The following AUTS2 variants were observed in gnomAD, a reference collection of about 807,000 sequenced individuals.
AUTS2 encodes the protein autism susceptibility gene 2 protein.
In AUTS2, 17 loss-of-function variants were observed where a neutral mutation model predicts 112.4. The observed-to-expected ratio is 0.15, with a 90% CI of 0.10 to 0.23. AUTS2 has a LOEUF of 0.23. AUTS2 is among the 10% of genes least tolerant of loss of function. The pLI, the probability that AUTS2 is intolerant of heterozygous loss-of-function variation, is 1.00. For synonymous variants in AUTS2, 751 were observed against 702.7 expected (o/e 1.07, Z -1.09); for missense variants, 1,510 against 1,701.6 (o/e 0.89, Z 1.98).
chr7:69,643,811 C>T (rs1268140797), intron 1 of AUTS2, among the ~76,000 whole-genome samples: 1 of 152,110 alleles, frequency 6.6e-6, no homozygotes, highest in Non-Finnish European at 1.5e-5. Context: ...CTCTAACCTC[C>T]AATGTGATGG....
chr7:70,698,494 A>C (rs1809259814), intron 5 of AUTS2, 75 bp from the exon 6 acceptor site: 3 of 1,279,712 alleles, frequency 2.3e-6, no homozygotes, highest in Non-Finnish European at 3.3e-6. Context: ...ACTGATTTAA[A>C]ATAATGGGAA....
intron 5 of AUTS2, among the ~76,000 whole-genome samples, chr7:70,457,644 A>G (rs1796798833): frequency 6.6e-6 from 1 of 152,108 alleles, no homozygotes; most frequent in Non-Finnish European, 1.5e-5. Context: ...ACTGCATTGG[A>G]CAGAGGTGGG....
chr7:70,555,378 T>C (rs995898612), intron 5 of AUTS2, among the ~76,000 whole-genome samples: 1 of 152,232 alleles, frequency 6.6e-6, no homozygotes, highest in Non-Finnish European at 1.5e-5. Flanking sequence ...GTTGCTTTCA[T>C]TGGTAGCTCA....
chr7:70,161,671 G>A (rs945312101), intron 4 of AUTS2, among the ~76,000 whole-genome samples: 2 of 151,140 alleles, frequency 1.3e-5, no homozygotes, highest in Non-Finnish European at 2.9e-5. Context: ...GGCATATTTT[G>A]TACCACCAGT....
chr7:70,091,979 T>A (rs932504130), intron 2 of AUTS2, among the ~76,000 whole-genome samples: 39 of 152,176 alleles, frequency 2.6e-4, no homozygotes, highest in African/African-American at 8.0e-4. Flanking sequence ...ACTCTTAATC[T>A]CATTTACATT....
chr7:70,439,242 T>C (rs1796021319), intron 5 of AUTS2, among the ~76,000 whole-genome samples: 1 of 152,060 alleles, frequency 6.6e-6, no homozygotes, highest in Non-Finnish European at 1.5e-5. Context: ...AGGACGTTCA[T>C]GAAGAGTAGA....
At chr7:69,921,342 T>TA in intron 2 of AUTS2, among the ~76,000 whole-genome samples, 1 of 150,620 alleles carries the variant, frequency 6.6e-6, no homozygotes, top group Non-Finnish European at 1.5e-5. Flanking sequence ...TTTTTTTTTT[T>TA]TTTTTTTTTT....
At chr7:69,601,458 C>G (rs1792403162) in intron 1 of AUTS2, among the ~76,000 whole-genome samples, 1 of 151,986 alleles carries the variant, frequency 6.6e-6, no homozygotes, top group Admixed American at 6.6e-5. Context: ...GGAAGGCTTC[C>G]TATCAGTGTT....
intron 5 of AUTS2, among the ~76,000 whole-genome samples, chr7:70,466,750 T>C (rs1797180431): frequency 6.6e-6 from 1 of 152,242 alleles, no homozygotes; most frequent in African/African-American, 2.4e-5. Context: ...TGTGTGCGTG[T>C]GTGCAGGCAT....
At chr7:70,580,592 C>A (rs1425132639) in intron 5 of AUTS2, among the ~76,000 whole-genome samples, 3 of 152,194 alleles carry the variant, frequency 2.0e-5, no homozygotes, top group Admixed American at 2.0e-4. Context: ...AGCTGCAGGT[C>A]TTCTGTTCGT....
At chr7:70,449,461 A>C (rs902574421) in intron 5 of AUTS2, among the ~76,000 whole-genome samples, 4 of 152,166 alleles carry the variant, frequency 2.6e-5, no homozygotes, top group African/African-American at 4.8e-5. Context: ...ATGTTGTCCA[A>C]ATGTGCTTCT....
chr7:70,633,901 A>T (rs1360191988), intron 5 of AUTS2, among the ~76,000 whole-genome samples: 2 of 152,202 alleles, frequency 1.3e-5, no homozygotes, highest in Non-Finnish European at 2.9e-5. Flanking sequence ...TCATTGTCGG[A>T]TGCTGGTGAA....
intron 2 of AUTS2, among the ~76,000 whole-genome samples, chr7:69,912,500 A>G (rs975580253): frequency 5.9e-5 from 9 of 152,176 alleles, no homozygotes; most frequent in African/African-American, 2.2e-4. Flanking sequence ...CACTGCCATC[A>G]CTGGGACCAT....
chr7:70,476,282 A>C (rs907608866), intron 5 of AUTS2, among the ~76,000 whole-genome samples: 1 of 152,126 alleles, frequency 6.6e-6, no homozygotes, highest in African/African-American at 2.4e-5. Flanking sequence ...GGATTCAGAC[A>C]GCTCTGTGAG....
At chr7:70,356,622 G>A (rs530288621) in intron 4 of AUTS2, among the ~76,000 whole-genome samples, 4 of 152,250 alleles carry the variant, frequency 2.6e-5, no homozygotes. Context: ...GGTTAAATGT[G>A]GTATTATTGC....
chr7:69,727,549 C>T (rs1786576812), intron 1 of AUTS2, among the ~76,000 whole-genome samples: 1 of 152,098 alleles, frequency 6.6e-6, no homozygotes, highest in Middle Eastern at 3.2e-3. Flanking sequence ...GAGATCGCGC[C>T]ACTGCACTCC....
intron 5 of AUTS2, among the ~76,000 whole-genome samples, chr7:70,606,556 A>G (rs1475650649): frequency 3.3e-5 from 5 of 152,108 alleles, no homozygotes; most frequent in African/African-American, 1.2e-4. Flanking sequence ...AAAATCTTCA[A>G]TTACTGTAAT....
intron 3 of AUTS2, among the ~76,000 whole-genome samples, chr7:70,128,246 T>C (rs1806082131): frequency 6.6e-6 from 1 of 152,176 alleles, no homozygotes; most frequent in African/African-American, 2.4e-5. Flanking sequence ...CCAAGAAATG[T>C]CAATCAAATT....
At chr7:70,716,622 G>T (rs546319085) in intron 6 of AUTS2, among the ~76,000 whole-genome samples, 19 of 119,002 alleles carry the variant, frequency 1.6e-4, no homozygotes, top group African/African-American at 5.9e-4. Flanking sequence ...GGGTGACAGA[G>T]CGAGACTCCG....
Sources: allele counts gnomAD v4.1 joint callset (sites outside exome capture counted in the v4.1 genomes callset), GRCh38; gene constraint gnomAD v4.1.1; transcripts MANE v1.5; gene names NCBI Gene and HGNC (gene_info 2026-07-23, HGNC 2026-07-21).